The following PTMS variants were observed in gnomAD, a reference collection of about 807,000 sequenced individuals.
PTMS encodes parathymosin.
In PTMS, 5 loss-of-function variants were observed where a neutral mutation model predicts 18.4. That is an observed-to-expected ratio of 0.27 (90% CI 0.14 to 0.57). The LOEUF (loss-of-function observed/expected upper bound fraction) is 0.57, where lower values mean the gene tolerates loss of function less well. PTMS is among the 20% of genes least tolerant of loss of function. PTMS has a pLI of 0.92. For synonymous variants in PTMS, 53 were observed against 47.7 expected, an observed-to-expected ratio of 1.11 and a Z score of -0.46; for missense variants, 93 against 124.6, an observed-to-expected ratio of 0.75 and a Z score of 1.21.
At chr12:6,769,838 A>C in intron 2 of PTMS, 83 bp from the exon 3 acceptor site, 1 of 1,607,832 alleles carries the variant, frequency 6.2e-7, no homozygotes, top group Admixed American at 1.7e-5. Context: ...CCCTTTTATC[A>C]CCCAGGCTCC....
In PTMS at chr12:6,770,259, G is replaced by A. The variant is rs1170946244; in HGVS notation, c.258+41G>A. The A allele has an allele frequency of 2.5e-6, 4 of 1,612,538 alleles. No homozygotes were observed. The African/African-American group carries it at 4.0e-5, about 16-fold the overall frequency. On this transcript the variant is annotated intron_variant, in intron 4 of 4. Coordinates refer to ENST00000309083, the MANE Select transcript of PTMS (RefSeq NM_002824.6). This position sits in a 1 kb window ranked among gnomAD's most constrained non-coding sequence, Gnocchi z 7.3. ...CTGGGCCTGAGGGGCTGTCAGGGATGCAGCCGGGCTGGGCGCCCTTTGGAT... is the reference window on the plus strand; with the variant it reads ...CTGGGCCTGAGGGGCTGTCAGGGATACAGCCGGGCTGGGCGCCCTTTGGAT...
chr12:6,768,511 G>C (rs572767745), intron 1 of PTMS, among the ~76,000 whole-genome samples: 1 of 152,098 alleles, frequency 6.6e-6, no homozygotes, highest in Admixed American at 6.5e-5. Flanking sequence ...TTCCAGAAAG[G>C]ACCCCCCCGC....
At chr12:6,768,131 C>T (rs769079629) in intron 1 of PTMS, among the ~76,000 whole-genome samples, 14 of 152,192 alleles carry the variant, frequency 9.2e-5, no homozygotes, top group Non-Finnish European at 2.1e-4. Context: ...AGGACAGTGA[C>T]CAGAAGGACA....
Position 6,769,659 on chromosome 12 carries a change from G to A in PTMS, c.102G>A (p.Lys34=), listed in dbSNP as rs576112852. ...VEEKASRKER[K]KEVVEEEENG... is the part of the protein sequence containing the mutation. ...AGAAGGCAAGCCGGAAAGAGCGAAA[G>A]AAAGAAGTGGTGGAGGTGTGGAGGG... The change falls in exon 2 of 5, where the codon AAG becomes AAA. Residue 34 remains lysine, a synonymous_variant. Coordinates refer to ENST00000309083, the MANE Select transcript of PTMS (RefSeq NM_002824.6). 2.0e-5 allele frequency: 33 copies of A among 1,613,976 alleles called. No individual in the cohort carries two copies. Among genetic ancestry groups the A allele is most frequent in the Non-Finnish European group, 2.6e-5 (31 of 1,180,002 alleles).
Position 6,769,914 on chromosome 12 carries a change from C to T in PTMS, c.118-7C>T. On this transcript the variant is annotated splice_polypyrimidine_tract_variant and splice_region_variant and intron_variant, in intron 2 of 4. Transcript: ENST00000309083. ...CCTGAGGCTACTCCCTCTCCTGGTC[C>T]CCACAGGAGGAGGAGAACGGGGCTG... 6.4e-7 allele frequency: 1 copy of T among 1,561,994 alleles called. No homozygotes were observed. Among genetic ancestry groups the T allele is most frequent in the Non-Finnish European group, 8.7e-7 (1 of 1,152,628 alleles).
rs753058822 is a variant in PTMS at position 6,770,443 on chromosome 12, G to A, written c.*1G>A. ...GACAGAAAATGGGGCATCGGCGTGA[G>A]CCCCTGCCAACAGGCTGGGGTTGGG... On this transcript the variant is annotated 3_prime_UTR_variant, in exon 5 of 5. Coordinates refer to ENST00000309083, the MANE Select transcript of PTMS (RefSeq NM_002824.6). The surrounding 1 kb of genome is among the most constrained non-coding windows in gnomAD (Gnocchi z 7.3). 1 of 1,606,530 alleles carries A rather than the reference G, an allele frequency of 6.2e-7. No homozygotes were observed. The highest frequency in any genetic ancestry group is 1.1e-5 in the South Asian group (1 of 90,864).
rs753543178 is a variant in PTMS, at chr12:6,770,436, G to C, written c.303G>C (p.Ser101=). 3.7e-6 allele frequency: 6 copies of C among 1,613,126 alleles called. No individual in the cohort carries two copies. In the African/African-American group the frequency reaches 5.4e-5, roughly 14 times the overall value. ...GGCAGAAGACAGAAAATGGGGCATC[G>C]GCGTGAGCCCCTGCCAACAGGCTGG... is the stretch of plus-strand genomic sequence containing the variant. ...PKRQKTENGA[S]A is the part of the protein sequence containing the mutation. The change falls in exon 5 of 5, where the codon TCG becomes TCC. Residue 101 remains serine, a synonymous_variant. Transcript: ENST00000309083. This position sits in a 1 kb window ranked among gnomAD's most constrained non-coding sequence, Gnocchi z 7.3.
At position 6,770,161 on chromosome 12, in the gene PTMS, G is replaced by A. The variant is rs370997149; in HGVS notation, c.201G>A (p.Glu67=). The A allele has an allele frequency of 2.5e-6, 4 of 1,613,962 alleles. No individual in the cohort carries two copies. The African/African-American group carries it at 4.0e-5, about 16-fold the overall frequency. The part of the protein sequence containing the change: ...EEEDEGEEED[E]EEEEEDDEGP... ...GACCCATTTCTGGCTCCTCAGATGAGGAAGAAGAAGAAGAGGATGATGAAG... is the reference window on the plus strand; with the variant it reads ...GACCCATTTCTGGCTCCTCAGATGAAGAAGAAGAAGAAGAGGATGATGAAG... Residue 67 remains glutamate (E), a synonymous_variant, in exon 4 of 5, where the codon GAG becomes GAA. Transcript: ENST00000309083. This position sits in a 1 kb window ranked among gnomAD's most constrained non-coding sequence, Gnocchi z 7.3.
At chr12:6,769,484 G>T in intron 1 of PTMS, 119 bp from the exon 2 acceptor site, 1 of 1,109,470 alleles carries the variant, frequency 9.0e-7, no homozygotes, top group Non-Finnish European at 1.4e-6. Flanking sequence ...TCTAAGCTGT[G>T]GCCACCTTAT....
At position 6,770,848 on chromosome 12, in the gene PTMS, G is replaced by A. The variant is rs1206490967; in HGVS notation, c.*406G>A. ...CTCAGATCCCCTCTTCTCAGACAGC[G>A]CCAGGCCGGGGTGGGGCCGGGGTTG... On this transcript the variant is annotated 3_prime_UTR_variant, in exon 5 of 5. Transcript: ENST00000309083. This position sits in a 1 kb window ranked among gnomAD's most constrained non-coding sequence, Gnocchi z 7.3. 2 of 204,870 alleles carry A rather than the reference G, an allele frequency of 9.8e-6. No homozygotes were observed. Among genetic ancestry groups the A allele is most frequent in the South Asian group, 1.1e-4 (1 of 9,124 alleles). The allele number at this position is 204,870 out of a possible 1,614,324, so 12.7% of individuals were successfully genotyped here.
At chr12:6,769,767 G>A in intron 2 of PTMS, 93 bp downstream of exon 2, 1 of 1,599,194 alleles carries the variant, frequency 6.3e-7, no homozygotes, top group South Asian at 1.1e-5. Context: ...GAGGGTGCTG[G>A]GTCCTGCCGT....
At chr12:6,769,490 C>G (rs1320891912) in intron 1 of PTMS, 113 bp from the exon 2 acceptor site, 1 of 1,180,762 alleles carries the variant, frequency 8.5e-7, no homozygotes, top group African/African-American at 1.5e-5. Context: ...CTGTGGCCAC[C>G]TTATTCAGTT....
chr12:6,768,692 A>G (rs12313899), intron 1 of PTMS, among the ~76,000 whole-genome samples: 75,802 of 152,028 alleles, frequency 0.5, 20,603 homozygotes, highest in African/African-American at 0.73. Context: ...TGTAGTGTCC[A>G]GAAGGGACTC....
chr12:6,768,566 A>G (rs1243484717), intron 1 of PTMS, among the ~76,000 whole-genome samples: 1 of 152,200 alleles, frequency 6.6e-6, no homozygotes, highest in Non-Finnish European at 1.5e-5. Context: ...ATGGAATCAG[A>G]TACACAGCGT....
chr12:6,767,097 C>G (rs1250663692), intron 1 of PTMS: 1 of 154,296 alleles, frequency 6.5e-6, no homozygotes, highest in Non-Finnish European at 1.4e-5. Flanking sequence ...CGCGCCCCCT[C>G]CCTGCGCCCC....
rs142760535 is a variant in PTMS, at chr12:6,770,439, G to C, written c.306G>C (p.Ala102=). ...AGAAGACAGAAAATGGGGCATCGGC[G>C]TGAGCCCCTGCCAACAGGCTGGGGT... is the stretch of plus-strand genomic sequence containing the variant. ...KRQKTENGAS[A] Residue 102 remains alanine, a synonymous_variant, in exon 5 of 5, where the codon GCG becomes GCC. Coordinates refer to ENST00000309083, the MANE Select transcript of PTMS (RefSeq NM_002824.6). This position sits in a 1 kb window ranked among gnomAD's most constrained non-coding sequence, Gnocchi z 7.3. 20 of 1,612,856 alleles carry C rather than the reference G, an allele frequency of 1.2e-5. No individual in the cohort carries two copies. Among genetic ancestry groups the C allele is most frequent in the Non-Finnish European group, 1.6e-5 (19 of 1,179,644 alleles).
Position 6,766,754 on chromosome 12 carries a change from C to G in PTMS, c.45+4C>G. ...AGCGGCCGAGTTGAGCGCCAAGGTA[C>G]GGGCGGGGGCGGCGGCGGCCCGGAC... On this transcript the variant is annotated splice_donor_region_variant and intron_variant, in intron 1 of 4. Transcript: ENST00000309083. The G allele has an allele frequency of 9.5e-7, 1 of 1,057,568 alleles. No homozygotes were observed. The highest frequency in any genetic ancestry group is 1.1e-6 in the Non-Finnish European group (1 of 879,188). 65.5% of individuals were successfully genotyped at this position (1,057,568 alleles called of 1,614,324 possible).
At chr12:6,769,867 G>T in intron 2 of PTMS, 54 bp from the exon 3 acceptor site, 5 of 1,594,866 alleles carry the variant, frequency 3.1e-6, no homozygotes, top group Non-Finnish European at 4.3e-6. Context: ...TGGTGGTGAT[G>T]GTGGGCAAGG....
chr12:6,766,699 C>A lies in PTMS; in HGVS notation c.-7C>A. 1 of 1,125,680 alleles carries A rather than the reference C, an allele frequency of 8.9e-7. No individual in the cohort carries two copies. Among genetic ancestry groups the A allele is most frequent in the Non-Finnish European group, 1.1e-6 (1 of 915,542 alleles). The allele number at this position is 1,125,680 out of a possible 1,614,324, so 69.7% of individuals were successfully genotyped here. A position where few individuals can be genotyped will look rare whatever the true frequency, so the allele number is the denominator to read the frequency against. On this transcript the variant is annotated 5_prime_UTR_variant, in exon 1 of 5. Coordinates refer to ENST00000309083, the MANE Select transcript of PTMS (RefSeq NM_002824.6). Reference sequence around the variant, plus strand: ...TCCCCGCCAGCCCCGGCCCCGGCCCCGGCACCATGTCGGAGAAAAGCGTGG... The same window carrying A: ...TCCCCGCCAGCCCCGGCCCCGGCCCAGGCACCATGTCGGAGAAAAGCGTGG...
Sources: allele counts gnomAD v4.1 joint callset (sites outside exome capture counted in the v4.1 genomes callset), GRCh38; gene constraint gnomAD v4.1.1; non-coding constraint Gnocchi (gnomAD v3.1); transcripts MANE v1.5; gene names NCBI Gene and HGNC (gene_info 2026-07-23, HGNC 2026-07-21).